ZNF227: variants seen among roughly 807,000 people sequenced by gnomAD.
ZNF227 encodes zinc finger protein 227.
ZNF227 carries 12 observed loss-of-function variants against 13.2 expected under a neutral mutation model. That is an observed-to-expected ratio of 0.91 (90% CI 0.58 to 1.47). The LOEUF is 1.47. Ranked by LOEUF, ZNF227 falls within the 40% of genes most tolerant of loss-of-function variation. The pLI is 0.00. For synonymous variants in ZNF227, 338 were observed against 326.0 expected, an observed-to-expected ratio of 1.04 and a Z score of -0.40; for missense variants, 885 against 967.5, an observed-to-expected ratio of 0.91 and a Z score of 1.13.
At position 44,236,815 on chromosome 19, in the gene ZNF227, T is replaced by C; in HGVS notation, c.2385T>C (p.Thr795=). ...SRLTYHQKVH[T]GKKL is the part of the protein sequence containing the mutation. ...TTACATATCATCAGAAAGTCCATAC[T>C]GGTAAAAAGCTTTAGAAATGAGAAA... Residue 795 remains threonine (T), a synonymous_variant, in exon 6 of 6, where the codon ACT becomes ACC. Transcript: ENST00000313040. The C allele has an allele frequency of 6.4e-7, 1 of 1,571,016 alleles. No homozygotes were observed. Among genetic ancestry groups the C allele is most frequent in the Non-Finnish European group, 8.6e-7 (1 of 1,161,290 alleles).
intron 3 of ZNF227, among the ~76,000 whole-genome samples, chr19:44,225,254 G>A (rs1184129511): frequency 1.3e-5 from 2 of 151,766 alleles, no homozygotes; most frequent in African/African-American, 4.8e-5. Context: ...TCTTGGAGTT[G>A]CTCTTCTCGA....
intron 5 of ZNF227, among the ~76,000 whole-genome samples, chr19:44,231,671 C>A (rs186035525): frequency 6.6e-6 from 1 of 152,158 alleles, no homozygotes; most frequent in South Asian, 2.1e-4. Context: ...AAAAAACTTA[C>A]AGAGAATGGA....
chr19:44,228,634 G>A, intron 4 of ZNF227, 62 bp downstream of exon 4: 1 of 1,518,006 alleles, frequency 6.6e-7, no homozygotes, highest in Non-Finnish European at 8.8e-7. Flanking sequence ...TTGCTCTCAG[G>A]TGTTTAAGGG....
chr19:44,210,775 C>T (rs1166524656), upstream of ZNF227, among the ~76,000 whole-genome samples: 1 of 152,180 alleles, frequency 6.6e-6, no homozygotes, highest in Non-Finnish European at 1.5e-5. Context: ...TGAACCTTCT[C>T]TTAAGGGCAC....
In ZNF227 at chr19:44,236,119, TAAA is replaced by T; in HGVS notation, c.1690_1692del (p.Lys564del). 6.2e-7 allele frequency: 1 copy of T among 1,613,992 alleles called. No individual in the cohort carries two copies. Reference sequence around the variant, plus strand: ...AGGACTTCAGTTATAGTTCAAATCTTAAACTACACCAAGTAATTCACACTGGAG... The same window carrying T: ...AGGACTTCAGTTATAGTTCAAATCTTCTACACCAAGTAATTCACACTGGAG... On this transcript the variant is annotated inframe_deletion, in exon 6 of 6. Coordinates refer to ENST00000313040, the MANE Select transcript of ZNF227 (RefSeq NM_182490.3).
At chr19:44,216,163 T>G (rs1971864258) in intron 2 of ZNF227, among the ~76,000 whole-genome samples, 1 of 152,016 alleles carries the variant, frequency 6.6e-6, no homozygotes, top group Non-Finnish European at 1.5e-5. Context: ...TTTCTTACCA[T>G]TGCTTTTTGC....
chr19:44,211,861 G>T (rs1365416828), upstream of ZNF227, among the ~76,000 whole-genome samples: 4 of 142,882 alleles, frequency 2.8e-5, no homozygotes, highest in Non-Finnish European at 6.1e-5. Flanking sequence ...TATTAGTACA[G>T]GATCACGTGA....
intron 3 of ZNF227, among the ~76,000 whole-genome samples, chr19:44,223,568 TTC>T (rs1210653613): frequency 2.6e-5 from 4 of 152,216 alleles, no homozygotes; most frequent in Admixed American, 1.3e-4. Context: ...GTTTGTAGTA[TTC>T]TCTGATGGTA....
rs1266514941 is a variant in ZNF227 at position 44,212,535 on chromosome 19, G to A, written c.-208G>A. The A allele has an allele frequency of 2.0e-5, 3 of 152,252 alleles. No individual in the cohort carries two copies. Among genetic ancestry groups the A allele is most frequent in the Admixed American group, 2.0e-4 (3 of 15,280 alleles). 9.4% of individuals were successfully genotyped at this position (152,252 alleles called of 1,614,324 possible). On this transcript the variant is annotated 5_prime_UTR_variant, in exon 1 of 6. Transcript: ENST00000313040. ...AGTTCAGGAGCTCTGGGCAGGCAGA[G>A]CCACTTCCGCCCCGGAAAGCGAGGC...
At chr19:44,225,970 G>A (rs1156526028) in intron 3 of ZNF227, among the ~76,000 whole-genome samples, 1 of 152,180 alleles carries the variant, frequency 6.6e-6, no homozygotes, top group Non-Finnish European at 1.5e-5. Context: ...GTTTGTTAGT[G>A]TTCCTTCTAA....
upstream of ZNF227, among the ~76,000 whole-genome samples, chr19:44,211,015 A>C (rs2122624877): frequency 6.6e-6 from 1 of 152,228 alleles, no homozygotes; most frequent in Non-Finnish European, 1.5e-5. Context: ...CCAAGATGGC[A>C]AAACCCCGTC....
chr19:44,210,920 G>T (rs1971332307), upstream of ZNF227, among the ~76,000 whole-genome samples: 1 of 152,178 alleles, frequency 6.6e-6, no homozygotes, highest in African/African-American at 2.4e-5. Context: ...TGGGCTAAGT[G>T]TGGTGGCTCA....
chr19:44,216,808 A>G (rs907424916), intron 2 of ZNF227, among the ~76,000 whole-genome samples: 1 of 152,216 alleles, frequency 6.6e-6, no homozygotes, highest in Non-Finnish European at 1.5e-5. Context: ...TAGAAAACTG[A>G]TAACAGTGTC....
chr19:44,228,612 T>C, intron 4 of ZNF227, 40 bp downstream of exon 4: 1 of 1,564,576 alleles, frequency 6.4e-7, no homozygotes, highest in Non-Finnish European at 8.6e-7. Context: ...TTCAGTTCCC[T>C]TGAGAATCTC....
intron 3 of ZNF227, among the ~76,000 whole-genome samples, chr19:44,218,963 C>T (rs954012839): frequency 7.9e-5 from 12 of 152,244 alleles, no homozygotes; most frequent in Non-Finnish European, 1.6e-4. Flanking sequence ...TCTTAGCTCA[C>T]TGCAACCTCT....
Position 44,235,357 on chromosome 19 carries a change from C to T in ZNF227, c.927C>T (p.Ser309=). 6.2e-7 allele frequency: 1 copy of T among 1,614,162 alleles called. No individual in the cohort carries two copies. Among genetic ancestry groups the T allele is most frequent in the Non-Finnish European group, 8.5e-7 (1 of 1,180,036 alleles). The change falls in exon 6 of 6, where the codon AGC becomes AGT. Residue 309 remains serine, a synonymous_variant. Coordinates refer to ENST00000313040, the MANE Select transcript of ZNF227 (RefSeq NM_182490.3). ...CHESGDCFNK[S]SFHSYQSNHT... ...AATCTGGTGATTGCTTCAATAAGAG[C>T]TCTTTTCATTCTTATCAATCTAATC... is the stretch of plus-strand genomic sequence containing the variant.
intron 3 of ZNF227, among the ~76,000 whole-genome samples, chr19:44,221,075 G>A (rs1972455223): frequency 1.3e-5 from 2 of 151,528 alleles, no homozygotes; most frequent in South Asian, 4.2e-4. Context: ...ATTTGGGTTG[G>A]TTCCAAGTCT....
Position 44,236,490 on chromosome 19 carries a change from C to G in ZNF227, c.2060C>G (p.Pro687Arg), listed in dbSNP as rs1417013745. 5 of 1,613,998 alleles carry G rather than the reference C, an allele frequency of 3.1e-6. No individual in the cohort carries two copies. Among genetic ancestry groups the G allele is most frequent in the Admixed American group, 1.7e-5 (1 of 59,984 alleles). The change falls in exon 6 of 6, where the codon CCT (proline) becomes CGT (arginine). Residue 687 changes from proline (P) to arginine (R), a missense_variant. Transcript: ENST00000313040. ...CAGAGAGGCCACACTGGAGAAAAAC[C>G]TTACAAATGTGAAGAGTGTGGGAAA... ...YHQRGHTGEKPYKCEECGKGF... is the reference protein window; with the variant it reads ...YHQRGHTGEKRYKCEECGKGF...
In ZNF227 at chr19:44,222,398, T is replaced by G. The variant is rs1003654313; in HGVS notation, c.60+4546T>G. 2.6e-3 allele frequency among the ~76,000 whole-genome samples: 400 copies of G among 152,128 alleles called. 3 individuals carry two copies. The highest frequency in any genetic ancestry group is 9.0e-3 in the African/African-American group (372 of 41,408). The stretch of plus-strand genomic sequence containing the variant: ...TATTGATTCTTCCTACCCATGAGCA[T>G]GGAATGTTCTTCCATTTGTTTGTAT... On this transcript the variant is annotated intron_variant, in intron 3 of 5. Coordinates refer to ENST00000313040, the MANE Select transcript of ZNF227 (RefSeq NM_182490.3).
Sources: allele counts gnomAD v4.1 joint callset (sites outside exome capture counted in the v4.1 genomes callset), GRCh38; gene constraint gnomAD v4.1.1; transcripts MANE v1.5; gene names NCBI Gene and HGNC (gene_info 2026-07-23, HGNC 2026-07-21).